CENPE: variants seen among roughly 807,000 people sequenced by gnomAD.
CENPE encodes the protein centromere-associated protein E.
In CENPE, 145 loss-of-function variants were observed where a neutral mutation model predicts 336.1. That is an observed-to-expected ratio of 0.43 (90% CI 0.38 to 0.50). The LOEUF is 0.50. CENPE is among the 20% of genes least tolerant of loss of function. The pLI, the probability that CENPE is intolerant of heterozygous loss-of-function variation, is 0.00. For synonymous variants in CENPE, 1,013 were observed against 984.8 expected, an observed-to-expected ratio of 1.03 and a Z score of -0.54; for missense variants, 2,719 against 3,023.3, an observed-to-expected ratio of 0.90 and a Z score of 2.36.
chr4:103,144,230 C>A, intron 33 of CENPE, 101 bp downstream of exon 33: 7 of 1,044,964 alleles, frequency 6.7e-6, no homozygotes, highest in Middle Eastern at 2.6e-4. Context: ...GCCACCGCGC[C>A]CGGCCTGGAC....
chr4:103,187,194 C>T (rs1175361006), intron 8 of CENPE, among the ~76,000 whole-genome samples: 2 of 152,180 alleles, frequency 1.3e-5, no homozygotes, highest in African/African-American at 4.8e-5. Flanking sequence ...CTCCCTGTCA[C>T]TTTCAGGCAC....
intron 41 of CENPE, 148 bp downstream of exon 41, chr4:103,133,547 T>C (rs756168803): frequency 1.6e-5 from 10 of 632,632 alleles, no homozygotes; most frequent in Non-Finnish European, 2.7e-5. Flanking sequence ...GTCCATTATT[T>C]GCCAGTCTTT....
intron 43 of CENPE, 27 bp downstream of exon 43, chr4:103,122,844 A>C: frequency 3.2e-6 from 5 of 1,545,394 alleles, no homozygotes; most frequent in Non-Finnish European, 4.5e-6. Context: ...CTGCAAACTG[A>C]AGAACATTTT....
At chr4:103,173,245 T>C (rs1297899308) in intron 16 of CENPE, among the ~76,000 whole-genome samples, 2 of 151,994 alleles carry the variant, frequency 1.3e-5, no homozygotes, top group African/African-American at 2.4e-5. Context: ...CAAGAACATA[T>C]GTTGGGGAAA....
chr4:103,126,567 G>C (rs1299238936), intron 42 of CENPE, among the ~76,000 whole-genome samples: 1 of 152,146 alleles, frequency 6.6e-6, no homozygotes, highest in African/African-American at 2.4e-5. Context: ...AAAAAACACA[G>C]TTTGAAGAGA....
At chr4:103,167,199 A>G (rs1754998297) in intron 16 of CENPE, among the ~76,000 whole-genome samples, 1 of 152,176 alleles carries the variant, frequency 6.6e-6, no homozygotes, top group Non-Finnish European at 1.5e-5. Context: ...CCATATATAA[A>G]ATAGTCATCT....
intron 39 of CENPE, among the ~76,000 whole-genome samples, 163 bp downstream of exon 39, chr4:103,138,188 T>C (rs956597549): frequency 5.9e-5 from 9 of 152,206 alleles, no homozygotes; most frequent in Non-Finnish European, 2.9e-5. Context: ...TGTATGTGTG[T>C]ATATATGCAT....
rs1472110267 is a variant in CENPE, at chr4:103,195,941, G to A, written c.336C>T (p.Asp112=). Residue 112 remains aspartate, a synonymous_variant, in exon 4 of 49, where the codon GAC becomes GAT. Transcript: ENST00000265148. ...TTACCTTCTTAATTTTTTGGAAAAT[G>A]TCATGAATTGCCCTGGGTATAACTC... The part of the protein sequence containing the change: ...HLGVIPRAIH[D]IFQKIKKFPD... 1.2e-6 allele frequency: 2 copies of A among 1,612,584 alleles called. No homozygotes were observed. Among genetic ancestry groups the A allele is most frequent in the Non-Finnish European group, 1.7e-6 (2 of 1,178,696 alleles).
chr4:103,149,464 C>G, intron 26 of CENPE, 56 bp from the exon 27 acceptor site: 2 of 1,444,402 alleles, frequency 1.4e-6, no homozygotes, highest in Non-Finnish European at 1.8e-6. Context: ...AAAATTCTTA[C>G]ACAAAATCAT....
intron 8 of CENPE, among the ~76,000 whole-genome samples, chr4:103,187,658 T>C (rs1489869839): frequency 6.6e-6 from 1 of 152,062 alleles, no homozygotes; most frequent in Non-Finnish European, 1.5e-5. Flanking sequence ...GCACTAAACA[T>C]GGAAAGGAAC....
rs17215862 is a variant in CENPE at position 103,106,487 on chromosome 4, G to A, written c.8012-171C>T. Among the ~76,000 whole-genome samples the A allele has an allele frequency of 0.17, 25,641 of 152,132 alleles. 2,311 individuals are homozygous for A. Among genetic ancestry groups the A allele is most frequent in the South Asian group, 0.31 (1,476 of 4,818 alleles). ...TGGTGTATTTCACCTCAGAGTTGGAGAAGTTTACTCCCCATTTTGTCCTAA... is the reference window on the plus strand; with the variant it reads ...TGGTGTATTTCACCTCAGAGTTGGAAAAGTTTACTCCCCATTTTGTCCTAA... On this transcript the variant is annotated intron_variant, in intron 48 of 48. Transcript: ENST00000265148.
At chr4:103,112,009 T>A (rs1200150364) in intron 46 of CENPE, among the ~76,000 whole-genome samples, 1 of 151,882 alleles carries the variant, frequency 6.6e-6, no homozygotes, top group African/African-American at 2.4e-5. Context: ...TAAGTGTATA[T>A]GTATATACAC....
chr4:103,198,205 C>G (rs1407370954), intron 1 of CENPE, 59 bp downstream of exon 1: 1 of 1,513,764 alleles, frequency 6.6e-7, no homozygotes, highest in African/African-American at 1.4e-5. Flanking sequence ...CCTCGCCCCT[C>G]CGGCTCAGGG....
rs1246714605 is a variant in CENPE at position 103,148,837 on chromosome 4, GACAT to G, written c.3843+3_3843+6del. Reference sequence around the variant, plus strand: ...GTGACAAAGGATGAAAGGAATAAAAGACATACCTCTTCTTGTAATTTGGTATGGG... The same window carrying G: ...GTGACAAAGGATGAAAGGAATAAAAGACCTCTTCTTGTAATTTGGTATGGG... On this transcript the variant is annotated splice_donor_5th_base_variant and intron_variant, in intron 28 of 48. Coordinates refer to ENST00000265148, the MANE Select transcript of CENPE (RefSeq NM_001813.3). The G allele has an allele frequency of 6.2e-7, 1 of 1,608,372 alleles. No homozygotes were observed. Among genetic ancestry groups the G allele is most frequent in the Non-Finnish European group, 8.5e-7 (1 of 1,176,892 alleles).
intron 1 of CENPE, among the ~76,000 whole-genome samples, chr4:103,197,283 C>T (rs933433753): frequency 6.6e-6 from 1 of 152,218 alleles, no homozygotes; most frequent in Non-Finnish European, 1.5e-5. Flanking sequence ...GATGTAACCT[C>T]TCTGTGCCTG....
At position 103,140,549 on chromosome 4, in the gene CENPE, A is replaced by G. The variant is rs921944255; in HGVS notation, c.5755-135T>C. ...CAACCATTATACAACCTCCTAAATTAGAAGAGTAAAGTAAAATTTTCTGCT... is the reference window on the plus strand; with the variant it reads ...CAACCATTATACAACCTCCTAAATTGGAAGAGTAAAGTAAAATTTTCTGCT... On this transcript the variant is annotated intron_variant, in intron 36 of 48. Transcript: ENST00000265148. 2.4e-5 allele frequency: 17 copies of G among 708,596 alleles called. No homozygotes were observed. The African/African-American group carries it at 3.1e-4, about 13-fold the overall frequency. 43.9% of individuals were successfully genotyped at this position (708,596 alleles called of 1,614,324 possible). A position where few individuals can be genotyped will look rare whatever the true frequency, so the allele number is the denominator to read the frequency against.
chr4:103,150,684 AT>A (rs1167664778), intron 26 of CENPE, among the ~76,000 whole-genome samples: 1 of 152,212 alleles, frequency 6.6e-6, no homozygotes, highest in Non-Finnish European at 1.5e-5. Context: ...CCCTTAGCTT[AT>A]ATAGAAAGAT....
chr4:103,110,759 A>C, intron 47 of CENPE, 69 bp downstream of exon 47: 2 of 1,241,132 alleles, frequency 1.6e-6, no homozygotes, highest in African/African-American at 1.5e-5. Context: ...AAATACGTGC[A>C]TATACCATGT....
At chr4:103,190,622 C>A (rs911196698) in intron 8 of CENPE, among the ~76,000 whole-genome samples, 5 of 152,184 alleles carry the variant, frequency 3.3e-5, no homozygotes, top group African/African-American at 7.2e-5. Context: ...CCCTTCCTTA[C>A]ACCTTATACA....
Sources: allele counts gnomAD v4.1 joint callset (sites outside exome capture counted in the v4.1 genomes callset), GRCh38; gene constraint gnomAD v4.1.1; transcripts MANE v1.5; gene names NCBI Gene and HGNC (gene_info 2026-07-23, HGNC 2026-07-21).